FAM81B: variants seen among roughly 807,000 people sequenced by gnomAD.
FAM81B encodes family with sequence similarity 81 member B.
In FAM81B, 60 loss-of-function variants were observed where a neutral mutation model predicts 58.7. That is an observed-to-expected ratio of 1.02 (90% CI 0.83 to 1.27). The LOEUF is 1.27. FAM81B is among the 50% of genes most tolerant of loss of function. The pLI, the probability that FAM81B is intolerant of heterozygous loss-of-function variation, is 0.00. For synonymous variants in FAM81B, 189 were observed against 179.6 expected (o/e 1.05, Z -0.42); for missense variants, 491 against 522.0 (o/e 0.94, Z 0.58).
At chr5:95,419,932 T>C (rs9314135) in intron 4 of FAM81B, among the ~76,000 whole-genome samples, 38,025 of 152,122 alleles carry the variant, frequency 0.25, 5,938 homozygotes, top group African/African-American at 0.44. Context: ...CCCATGACCA[T>C]ATCAACACAA....
chr5:95,420,970 C>T (rs1011966924), intron 5 of FAM81B, among the ~76,000 whole-genome samples: 1 of 152,144 alleles, frequency 6.6e-6, no homozygotes, highest in African/African-American at 2.4e-5. Context: ...ACATCTTCTG[C>T]CAGTACCTCA....
At chr5:95,408,493 T>G (rs748975027) in intron 3 of FAM81B, among the ~76,000 whole-genome samples, 6 of 152,194 alleles carry the variant, frequency 3.9e-5, no homozygotes, top group African/African-American at 7.2e-5. Flanking sequence ...CAACTTGGTT[T>G]GTTAGAATAG....
intron 1 of FAM81B, among the ~76,000 whole-genome samples, chr5:95,392,398 T>C (rs1761848492): frequency 1.3e-5 from 2 of 152,124 alleles, no homozygotes. Flanking sequence ...AAATACCTAA[T>C]GTAGATGATG....
In FAM81B at chr5:95,448,467, G is replaced by A. The variant is rs1202861812; in HGVS notation, c.1225+3G>A. The A allele has an allele frequency of 1.9e-6, 3 of 1,594,318 alleles. No homozygotes were observed. In the South Asian group the frequency reaches 3.5e-5, roughly 18 times the overall value. ...AATGCAGAATGAATATCAATCAGGT[G>A]AGCAGATACCTTTTATTAAGTAAAG... is the stretch of plus-strand genomic sequence containing the variant. On this transcript the variant is annotated splice_donor_region_variant and intron_variant, in intron 9 of 9. Transcript: ENST00000283357.
chr5:95,427,048 C>T (rs1762862373), intron 5 of FAM81B, among the ~76,000 whole-genome samples: 1 of 146,600 alleles, frequency 6.8e-6, no homozygotes. Flanking sequence ...GACTCCGTCT[C>T]AAAAAAAAGA....
intron 5 of FAM81B, 100 bp from the exon 6 acceptor site, chr5:95,428,503 C>T (rs1452313420): frequency 1.4e-6 from 2 of 1,414,854 alleles, no homozygotes; most frequent in Admixed American, 4.1e-5. Context: ...CTTCAAATGA[C>T]TTTAGAACTT....
intron 6 of FAM81B, 126 bp from the exon 7 acceptor site, chr5:95,436,674 T>C (rs916865096): frequency 1.4e-6 from 1 of 705,610 alleles, no homozygotes; most frequent in Non-Finnish European, 2.5e-6. Flanking sequence ...TTCAAGTCTG[T>C]TTCCCAGCTC....
chr5:95,392,007 T>A (rs1761833307), intron 1 of FAM81B, among the ~76,000 whole-genome samples: 1 of 152,200 alleles, frequency 6.6e-6, no homozygotes, highest in African/African-American at 2.4e-5. Context: ...AATGGGTATA[T>A]ACCCAAAGGA....
chr5:95,444,677 A>G (rs1222631709), intron 7 of FAM81B, among the ~76,000 whole-genome samples: 1 of 152,218 alleles, frequency 6.6e-6, no homozygotes, highest in Non-Finnish European at 1.5e-5. Context: ...CAATCAAGAT[A>G]TGCCTCATAT....
intron 4 of FAM81B, among the ~76,000 whole-genome samples, chr5:95,417,754 C>T (rs1226685531): frequency 6.6e-6 from 1 of 152,080 alleles, no homozygotes; most frequent in African/African-American, 2.4e-5. Context: ...TTTCAAACAA[C>T]CAGCAAGATG....
chr5:95,407,570 G>C lies in FAM81B; in HGVS notation c.294-6377G>C, dbSNP rs566663004. Among the ~76,000 whole-genome samples, 8 of 152,290 alleles carry C rather than the reference G, an allele frequency of 5.3e-5. No individual in the cohort carries two copies. The South Asian group carries it at 1.4e-3, about 28-fold the overall frequency. ...TCAGACTGTTCAAGGGGCATCTCTA[G>C]AGAGATGCCATATACTAAATCCCAA... is the stretch of plus-strand genomic sequence containing the variant. On this transcript the variant is annotated intron_variant, in intron 3 of 9. Transcript: ENST00000283357.
Position 95,392,464 on chromosome 5 carries a change from C to T in FAM81B, c.125-330C>T, listed in dbSNP as rs540050076. Among the ~76,000 whole-genome samples the T allele has an allele frequency of 2.0e-5, 3 of 152,110 alleles. No homozygotes were observed. The South Asian group carries it at 6.2e-4, about 32-fold the overall frequency. On this transcript the variant is annotated intron_variant, in intron 1 of 9. Transcript: ENST00000283357. ...CGTGTATACCTACGTAACAAACCTGCATGTTCTGCACGTGTATCCCAGGAC... is the reference window on the plus strand; with the variant it reads ...CGTGTATACCTACGTAACAAACCTGTATGTTCTGCACGTGTATCCCAGGAC...
intron 7 of FAM81B, among the ~76,000 whole-genome samples, chr5:95,444,381 T>G (rs551546510): frequency 1.0e-3 from 156 of 152,174 alleles, no homozygotes; most frequent in Middle Eastern, 3.2e-3. Context: ...GGTAAGAGAA[T>G]AGGAAGTTTC....
At chr5:95,425,504 A>C (rs1322544796) in intron 5 of FAM81B, among the ~76,000 whole-genome samples, 3 of 152,210 alleles carry the variant, frequency 2.0e-5, no homozygotes, top group Non-Finnish European at 4.4e-5. Flanking sequence ...TTCAATCACA[A>C]GAGAAGTCAG....
At chr5:95,439,124 A>G (rs1411734690) in intron 7 of FAM81B, among the ~76,000 whole-genome samples, 1 of 150,416 alleles carries the variant, frequency 6.6e-6, no homozygotes, top group African/African-American at 2.4e-5. Flanking sequence ...TGAATGGATT[A>G]TTTCTAGTTT....
At chr5:95,438,780 A>G (rs796355361) in intron 7 of FAM81B, among the ~76,000 whole-genome samples, 92 of 137,162 alleles carry the variant, frequency 6.7e-4, no homozygotes, top group African/African-American at 3.0e-3. Context: ...AATATGCATT[A>G]ATTGTAAAAA....
At chr5:95,416,720 C>T (rs980377147) in intron 4 of FAM81B, among the ~76,000 whole-genome samples, 1 of 152,140 alleles carries the variant, frequency 6.6e-6, no homozygotes, top group African/African-American at 2.4e-5. Context: ...TAAACTCTAT[C>T]ATGTCTCATT....
intron 6 of FAM81B, 105 bp from the exon 7 acceptor site, chr5:95,436,695 T>G: frequency 1.3e-6 from 1 of 776,660 alleles, no homozygotes; most frequent in African/African-American, 1.8e-5. Context: ...CTTAAAGGAA[T>G]AAAGTATATT....
Position 95,448,444 on chromosome 5 carries a change from T to C in FAM81B, c.1205T>C (p.Met402Thr). The change falls in exon 9 of 10, where the codon ATG (methionine) becomes ACG (threonine). Residue 402 changes from methionine (M) to threonine (T), a missense_variant. Coordinates refer to ENST00000283357, the MANE Select transcript of FAM81B (RefSeq NM_152548.3). ...CAGATCTGGGGTGAATTAGAGACAATGCAGAATGAATATCAATCAGGTGAG... is the reference window on the plus strand; with the variant it reads ...CAGATCTGGGGTGAATTAGAGACAACGCAGAATGAATATCAATCAGGTGAG... ...EKQIWGELETMQNEYQSGFKS... is the reference protein window; with the variant it reads ...EKQIWGELETTQNEYQSGFKS... 1 of 1,606,268 alleles carries C rather than the reference T, an allele frequency of 6.2e-7. No individual in the cohort carries two copies. The highest frequency in any genetic ancestry group is 8.5e-7 in the Non-Finnish European group (1 of 1,178,126).
Sources: allele counts gnomAD v4.1 joint callset (sites outside exome capture counted in the v4.1 genomes callset), GRCh38; gene constraint gnomAD v4.1.1; transcripts MANE v1.5; gene names NCBI Gene and HGNC (gene_info 2026-07-23, HGNC 2026-07-21).